HDGFL3: variants seen among roughly 807,000 people sequenced by gnomAD.
HDGFL3 encodes the protein hepatoma-derived growth factor-related protein 3.
Under a neutral mutation model 27.6 loss-of-function variants are expected in HDGFL3, and 6 were observed. That is an observed-to-expected ratio of 0.22 (90% CI 0.12 to 0.43). The LOEUF is 0.43. HDGFL3 is among the 20% of genes least tolerant of loss of function. The pLI, the probability that HDGFL3 is intolerant of heterozygous loss-of-function variation, is 1.00. For missense variants in HDGFL3, 207 were observed against 250.1 expected (o/e 0.83, Z 1.16); for synonymous variants, 88 against 88.9 (o/e 0.99, Z 0.05).
In HDGFL3 at chr15:83,136,355, T is replaced by C. The variant is rs911028982; in HGVS notation, c.*2915A>G. ...AGACTCTGGATTGTTTGAAGGTATT[T>C]TGCCTGCAGGTGAGACTGGTTTTGA... On this transcript the variant is annotated 3_prime_UTR_variant, in exon 6 of 6. Transcript: ENST00000299633. 4.5e-5 allele frequency: 28 copies of C among 624,050 alleles called. No homozygotes were observed. The highest frequency in any genetic ancestry group is 3.3e-5 in the South Asian group (1 of 29,854). 38.7% of individuals were successfully genotyped at this position (624,050 alleles called of 1,614,324 possible). A position where few individuals can be genotyped will look rare whatever the true frequency, so the allele number is the denominator to read the frequency against.
intron 1 of HDGFL3, among the ~76,000 whole-genome samples, chr15:83,167,670 A>T (rs77241114): frequency 0.032 from 4,910 of 152,326 alleles, 127 homozygotes; most frequent in Admixed American, 0.072. Context: ...TGGAGCACCC[A>T]GATTCGTAAA....
chr15:83,206,733 C>G (rs2037721822), intron 1 of HDGFL3, among the ~76,000 whole-genome samples: 1 of 152,214 alleles, frequency 6.6e-6, no homozygotes, highest in Admixed American at 6.5e-5. Flanking sequence ...CGATGGGCAC[C>G]AGAGAGGCAC....
intron 1 of HDGFL3, among the ~76,000 whole-genome samples, chr15:83,197,417 T>A (rs1020184773): frequency 6.6e-6 from 1 of 152,212 alleles, no homozygotes; most frequent in African/African-American, 2.4e-5. Context: ...GAAGAATGCC[T>A]TCCTATCATC....
intron 1 of HDGFL3, among the ~76,000 whole-genome samples, chr15:83,169,526 G>A (rs2037219289): frequency 1.3e-5 from 2 of 151,322 alleles, no homozygotes; most frequent in Non-Finnish European, 2.9e-5. Flanking sequence ...CCTAGGCCAG[G>A]CACGGTGGCT....
At chr15:83,156,447 C>A (rs2037030521) in intron 4 of HDGFL3, among the ~76,000 whole-genome samples, 1 of 152,134 alleles carries the variant, frequency 6.6e-6, no homozygotes, top group African/African-American at 2.4e-5. Flanking sequence ...CCGCTGTATA[C>A]CTAGTCTGGT....
At chr15:83,139,682 A>C (rs1289735634) in intron 5 of HDGFL3, among the ~76,000 whole-genome samples, 2 of 152,218 alleles carry the variant, frequency 1.3e-5, no homozygotes, top group African/African-American at 4.8e-5. Context: ...AAAAGCACTT[A>C]GAGTGTGCAC....
intron 1 of HDGFL3, among the ~76,000 whole-genome samples, chr15:83,183,773 A>G (rs1400989021): frequency 6.6e-6 from 1 of 151,570 alleles, no homozygotes; most frequent in Non-Finnish European, 1.5e-5. Context: ...AAAGAAAAAA[A>G]AAAAAAAAGT....
At chr15:83,173,260 T>G (rs1431497993) in intron 1 of HDGFL3, among the ~76,000 whole-genome samples, 2 of 152,232 alleles carry the variant, frequency 1.3e-5, no homozygotes, top group African/African-American at 2.4e-5. Context: ...TTCTATTTCT[T>G]GCTTTCAGCA....
chr15:83,115,701 G>T, exon 4 of HDGFL3: 2 of 716,358 alleles, frequency 2.8e-6, no homozygotes, highest in Non-Finnish European at 5.1e-6. Context: ...TGTAGAAGGG[G>T]TATTCTGTTA....
intron 3 of HDGFL3, chr15:83,119,431 T>C (rs1019332493): frequency 4.7e-6 from 4 of 858,844 alleles, no homozygotes; most frequent in African/African-American, 3.4e-5. Flanking sequence ...TGTATTTTCA[T>C]GTTCCTACCA....
chr15:83,156,626 G>C (rs2037033158), intron 4 of HDGFL3, among the ~76,000 whole-genome samples: 1 of 152,186 alleles, frequency 6.6e-6, no homozygotes, highest in Non-Finnish European at 1.5e-5. Context: ...ACGTGTGGTA[G>C]GCTGTACCAC....
rs536975177 is a variant in HDGFL3 at position 83,122,395 on chromosome 15, GTAGA to G, written c.394-6658_394-6655del. Among the ~76,000 whole-genome samples, 434 of 151,972 alleles carry G rather than the reference GTAGA, an allele frequency of 2.9e-3. 2 individuals carry two copies. The highest frequency in any genetic ancestry group is 0.014 in the Middle Eastern group (4 of 292). On this transcript the variant is annotated intron_variant, in intron 3 of 3. Transcript: ENST00000568294. ...GTATGCAGGAAATCAGGATATATAG[GTAGA>G]TAGATAGATAGATAGATATAGATAT...
chr15:83,167,202 T>C (rs1303000113), intron 1 of HDGFL3, among the ~76,000 whole-genome samples: 1 of 152,010 alleles, frequency 6.6e-6, no homozygotes, highest in African/African-American at 2.4e-5. Flanking sequence ...ATGGAAAACA[T>C]AAAAGAGCAG....
intron 1 of HDGFL3, among the ~76,000 whole-genome samples, chr15:83,202,253 G>T (rs919203574): frequency 6.6e-6 from 1 of 152,132 alleles, no homozygotes. Context: ...CATACAGTAG[G>T]TGCTCAACAA....
At chr15:83,189,117 T>C (rs1046339916) in intron 1 of HDGFL3, among the ~76,000 whole-genome samples, 3 of 152,060 alleles carry the variant, frequency 2.0e-5, no homozygotes, top group Admixed American at 6.6e-5. Context: ...CTCTACCCCA[T>C]CCCTATCTAC....
At position 83,207,383 on chromosome 15, in the gene HDGFL3, G is replaced by A. The variant is rs1203349272; in HGVS notation, c.32C>T (p.Ala11Val). 4 of 1,391,296 alleles carry A rather than the reference G, an allele frequency of 2.9e-6. No individual in the cohort carries two copies. Among genetic ancestry groups the A allele is most frequent in the South Asian group, 1.9e-5 (1 of 53,532 alleles). The allele number at this position is 1,391,296 out of a possible 1,614,324, so 86.2% of individuals were successfully genotyped here. Residue 11 changes from alanine (A) to valine (V), a missense_variant, in exon 1 of 6, where the codon GCG (alanine) becomes GTG (valine). Ala to Val is a moderately conservative substitution (Grantham distance 64, BLOSUM62 0). Coordinates refer to ENST00000299633, the MANE Select transcript of HDGFL3 (RefSeq NM_016073.4). This position sits in a 1 kb window ranked among gnomAD's most constrained non-coding sequence, Gnocchi z 4.8. Reference sequence around the variant, plus strand: ...CATCTTGGCGAAGACCAGGTCGCCCGCTTTGTACTCGCGGGGCCGCGGACG... The same window carrying A: ...CATCTTGGCGAAGACCAGGTCGCCCACTTTGTACTCGCGGGGCCGCGGACG... MARPRPREYK[A>V]GDLVFAKMKG...
intron 1 of HDGFL3, among the ~76,000 whole-genome samples, chr15:83,183,339 A>G (rs755262597): frequency 2.6e-5 from 4 of 152,202 alleles, no homozygotes; most frequent in Non-Finnish European, 4.4e-5. Context: ...CAAAAAAACA[A>G]AAATCGTAGA....
chr15:83,206,337 T>C (rs1291265498), intron 1 of HDGFL3, among the ~76,000 whole-genome samples: 3 of 152,214 alleles, frequency 2.0e-5, no homozygotes, highest in African/African-American at 7.2e-5. Context: ...AGAATACCAA[T>C]ATAATCTCTA....
At chr15:83,119,224 T>C (rs2034990529) in intron 3 of HDGFL3, among the ~76,000 whole-genome samples, 1 of 152,206 alleles carries the variant, frequency 6.6e-6, no homozygotes, top group South Asian at 2.1e-4. Flanking sequence ...ACCTCTCTGG[T>C]CACTGCCAAG....
Sources: allele counts gnomAD v4.1 joint callset (sites outside exome capture counted in the v4.1 genomes callset), GRCh38; gene constraint gnomAD v4.1.1; non-coding constraint Gnocchi (gnomAD v3.1); transcripts MANE v1.5; gene names NCBI Gene and HGNC (gene_info 2026-07-23, HGNC 2026-07-21).